Variants in MYO16 observed in about 807,000 individuals in gnomAD.
The protein encoded by MYO16 is myosin XVI.
A neutral mutation model predicts 205.3 loss-of-function variants in MYO16; 94 were observed. That is an observed-to-expected ratio of 0.46 (90% CI 0.39 to 0.54). The LOEUF is 0.54. Among genes scored for constraint, MYO16 ranks in the 20% least tolerant of loss-of-function variants. The pLI, the probability that MYO16 is intolerant of heterozygous loss-of-function variation, is 0.00. For missense variants in MYO16, 2,315 were observed against 2,387.5 expected, an observed-to-expected ratio of 0.97 and a Z score of 0.63; for synonymous variants, 988 against 954.0, an observed-to-expected ratio of 1.04 and a Z score of -0.66.
At position 109,019,560 on chromosome 13, in the gene MYO16, A is replaced by G. The variant is rs901746650; in HGVS notation, c.2596-151A>G. The G allele has an allele frequency of 2.3e-4, 143 of 615,776 alleles. 1 individual carries two copies. The highest frequency in any genetic ancestry group is 2.5e-4 in the East Asian group (9 of 35,996). The allele number at this position is 615,776 out of a possible 1,614,324, so 38.1% of individuals were successfully genotyped here. ...TCAGAGCCCTGCTAGGTGGTGGGGT[A>G]GAAATAGAAATATATTAAGGTAAAG... On this transcript the variant is annotated intron_variant, in intron 22 of 34. Coordinates refer to ENST00000457511, the MANE Select transcript of MYO16 (RefSeq NM_001198950.3).
intron 9 of MYO16, among the ~76,000 whole-genome samples, chr13:108,836,373 G>T (rs1249811411): frequency 6.6e-6 from 1 of 152,228 alleles, no homozygotes; most frequent in Non-Finnish European, 1.5e-5. Context: ...GCAGAAGTTT[G>T]CTGCAGGAGC....
the MYO16 span, among the ~76,000 whole-genome samples, chr13:108,527,907 T>C: frequency 6.6e-6 from 1 of 152,190 alleles, no homozygotes; most frequent in Admixed American, 6.5e-5. Flanking sequence ...GGTGTTAGTT[T>C]TCTGTTTAAC....
At chr13:108,621,198 CTG>C (rs1879529140) in intron 1 of MYO16, among the ~76,000 whole-genome samples, 2 of 152,080 alleles carry the variant, frequency 1.3e-5, no homozygotes, top group South Asian at 2.1e-4. Context: ...AGTGTAGTCT[CTG>C]TAATTCTGTT....
At chr13:108,594,920 G>A (rs1260072130), upstream of MYO16, among the ~76,000 whole-genome samples, 2 of 152,202 alleles carry the variant, frequency 1.3e-5, no homozygotes, top group Non-Finnish European at 2.9e-5. Context: ...ATTCACAGAG[G>A]CTGAGGGAGA....
intron 28 of MYO16, among the ~76,000 whole-genome samples, chr13:109,113,349 AG>A (rs2139742820): frequency 6.6e-6 from 1 of 151,678 alleles, no homozygotes; most frequent in East Asian, 1.9e-4. Context: ...AAAAGAAGGA[AG>A]GAAGAGAGGG....
chr13:108,633,050 G>T (rs765389593), intron 1 of MYO16, among the ~76,000 whole-genome samples: 9 of 152,104 alleles, frequency 5.9e-5, no homozygotes, highest in Non-Finnish European at 1.2e-4. Flanking sequence ...TAAGCATACG[G>T]GTTTGGGGCA....
chr13:108,562,696 T>G, the MYO16 span, among the ~76,000 whole-genome samples: 1 of 152,194 alleles, frequency 6.6e-6, no homozygotes, highest in Admixed American at 6.5e-5. Context: ...ATATTTTTAC[T>G]GTACCTTTTA....
At chr13:108,862,966 TG>T (rs1398611505) in intron 11 of MYO16, among the ~76,000 whole-genome samples, 1 of 152,182 alleles carries the variant, frequency 6.6e-6, no homozygotes, top group Admixed American at 6.5e-5. Flanking sequence ...AATGTTTGCT[TG>T]TTTGTTTTAT....
At position 109,100,951 on chromosome 13, in the gene MYO16, G is replaced by T. The variant is rs1888946540; in HGVS notation, c.3438+64G>T. 2.8e-6 allele frequency: 4 copies of T among 1,405,344 alleles called. No homozygotes were observed. The African/African-American group carries it at 5.6e-5, about 20-fold the overall frequency. 87.1% of individuals were successfully genotyped at this position (1,405,344 alleles called of 1,614,324 possible). A position where few individuals can be genotyped will look rare whatever the true frequency, so the allele number is the denominator to read the frequency against. On this transcript the variant is annotated intron_variant, in intron 28 of 34. Transcript: ENST00000457511. ...TTTTAAATAAATGAGCTGAGTCATT[G>T]CAGGGAGCCACCAGAATCTTCCTGG...
At chr13:109,105,453 CAA>C (rs1268145850) in intron 28 of MYO16, among the ~76,000 whole-genome samples, 1 of 152,140 alleles carries the variant, frequency 6.6e-6, no homozygotes, top group Non-Finnish European at 1.5e-5. Context: ...GCCTGGACAA[CAA>C]GAGTGAAACT....
intron 12 of MYO16, among the ~76,000 whole-genome samples, chr13:108,882,590 C>A (rs975350909): frequency 1.3e-5 from 2 of 152,190 alleles, no homozygotes; most frequent in Non-Finnish European, 2.9e-5. Flanking sequence ...CACCGTTTCT[C>A]TAAAATTAAT....
chr13:108,868,686 G>C (rs969756475), intron 12 of MYO16, among the ~76,000 whole-genome samples: 2 of 152,044 alleles, frequency 1.3e-5, no homozygotes, highest in African/African-American at 4.8e-5. Flanking sequence ...ACTTTGAGAA[G>C]CCAAGGCAGG....
At chr13:108,878,364 G>T (rs1428008955) in intron 12 of MYO16, among the ~76,000 whole-genome samples, 1 of 152,156 alleles carries the variant, frequency 6.6e-6, no homozygotes, top group Non-Finnish European at 1.5e-5. Flanking sequence ...ATGTTGAGAG[G>T]AGTTCAGCTA....
chr13:108,595,318 C>T (rs1400219455), upstream of MYO16, among the ~76,000 whole-genome samples: 1 of 152,078 alleles, frequency 6.6e-6, no homozygotes, highest in South Asian at 2.1e-4. Flanking sequence ...ATTCATTCCA[C>T]AAAATTGAAT....
chr13:109,046,618 G>T (rs2139592464), intron 23 of MYO16, among the ~76,000 whole-genome samples: 1 of 152,278 alleles, frequency 6.6e-6, no homozygotes. Context: ...GAGCAAGTTA[G>T]AGTCCTTAAG....
intron 4 of MYO16, among the ~76,000 whole-genome samples, chr13:108,743,222 C>T (rs9587664): frequency 0.029 from 4,437 of 151,938 alleles, 206 homozygotes; most frequent in African/African-American, 0.1. Flanking sequence ...ATGTTACTGA[C>T]TCATCTTCTC....
At chr13:108,667,068 C>G (rs1881764807) in intron 2 of MYO16, among the ~76,000 whole-genome samples, 1 of 152,166 alleles carries the variant, frequency 6.6e-6, no homozygotes, top group African/African-American at 2.4e-5. Context: ...ATTTTGATAG[C>G]TCATTTAGTG....
At chr13:109,146,236 A>G (rs1215168112) in intron 32 of MYO16, among the ~76,000 whole-genome samples, 1 of 152,234 alleles carries the variant, frequency 6.6e-6, no homozygotes, top group Non-Finnish European at 1.5e-5. Context: ...TTGATTACAT[A>G]AATATTCTGA....
At chr13:108,654,938 G>C (rs1881176247) in intron 1 of MYO16, among the ~76,000 whole-genome samples, 1 of 152,216 alleles carries the variant, frequency 6.6e-6, no homozygotes. Flanking sequence ...AAGTATTTAA[G>C]AGGTGACCTG....
Sources: gnomAD v4.1 joint callset for allele counts (sites outside exome capture counted in the v4.1 genomes callset) on GRCh38, gnomAD v4.1.1 for gene constraint, MANE v1.5 for transcripts, NCBI Gene and HGNC (gene_info 2026-07-23, HGNC 2026-07-21) for gene names.